Variants in ASAP1 observed in about 807,000 individuals in gnomAD.
ASAP1 encodes arf-GAP with SH3 domain, ANK repeat and PH domain-containing protein 1.
A neutral mutation model predicts 145.2 loss-of-function variants in ASAP1; 43 were observed. The observed-to-expected ratio is 0.30, with a 90% confidence interval of 0.23 to 0.38. ASAP1 has a LOEUF of 0.38. Among genes scored for constraint, ASAP1 ranks in the 10% least tolerant of loss-of-function variants. The pLI is 1.00. For synonymous variants in ASAP1, 546 were observed against 515.5 expected (o/e 1.06, Z -0.80); for missense variants, 1,018 against 1,355.3 (o/e 0.75, Z 3.91).
intron 27 of ASAP1, among the ~76,000 whole-genome samples, chr8:130,075,498 A>T (rs774672744): frequency 6.6e-6 from 1 of 152,300 alleles, no homozygotes; most frequent in South Asian, 2.1e-4. Flanking sequence ...TGCTGCTGGC[A>T]CTGAAAATCC....
intron 1 of ASAP1, among the ~76,000 whole-genome samples, chr8:130,408,625 A>G (rs1198860319): frequency 6.6e-6 from 1 of 152,188 alleles, no homozygotes; most frequent in Non-Finnish European, 1.5e-5. Context: ...CCAATTCCCT[A>G]TAATAAATAT....
At chr8:130,074,260 C>T (rs377193540) in intron 27 of ASAP1, among the ~76,000 whole-genome samples, 22 of 152,008 alleles carry the variant, frequency 1.4e-4, no homozygotes, top group African/African-American at 3.6e-4. Flanking sequence ...GGCTGGGATT[C>T]GCTACAGAAT....
intron 12 of ASAP1, among the ~76,000 whole-genome samples, chr8:130,154,398 A>C (rs1478301819): frequency 6.6e-6 from 1 of 152,224 alleles, no homozygotes; most frequent in Non-Finnish European, 1.5e-5. Context: ...CCAGGCACAG[A>C]CGAGACTGCA....
In ASAP1 at chr8:130,278,105, G is replaced by GTAC. The variant is rs1213438904; in HGVS notation, c.187-41112_187-41111insGTA. The stretch of plus-strand genomic sequence containing the variant: ...AAAAAAATCAAAGGGCCTTATAAAA[G>GTAC]TTATGTAAATTAGTACCAATATCCC... On this transcript the variant is annotated intron_variant, in intron 3 of 29. Coordinates refer to ENST00000518721, the MANE Select transcript of ASAP1 (RefSeq NM_018482.4). 8.6e-5 allele frequency among the ~76,000 whole-genome samples: 13 copies of GTAC among 151,466 alleles called. No individual in the cohort carries two copies. In the East Asian group the frequency reaches 2.5e-3, roughly 29 times the overall value.
At chr8:130,303,690 G>A (rs1240204928) in intron 3 of ASAP1, among the ~76,000 whole-genome samples, 2 of 152,114 alleles carry the variant, frequency 1.3e-5, no homozygotes, top group Non-Finnish European at 2.9e-5. Flanking sequence ...TTTACTTTAT[G>A]ACTCTGACTA....
intron 3 of ASAP1, among the ~76,000 whole-genome samples, chr8:130,260,919 C>T (rs1363469386): frequency 6.6e-6 from 1 of 152,062 alleles, no homozygotes; most frequent in Non-Finnish European, 1.5e-5. Context: ...TTTGCTTTTC[C>T]CCCCCTCAAG....
In ASAP1 at chr8:130,108,937, G is replaced by A. The variant is rs371519072; in HGVS notation, c.2401+3157C>T. Among the ~76,000 whole-genome samples the A allele has an allele frequency of 7.9e-5, 12 of 151,726 alleles. No individual in the cohort carries two copies. In the East Asian group the frequency reaches 1.7e-3, roughly 22 times the overall value. On this transcript the variant is annotated intron_variant, in intron 24 of 29. Transcript: ENST00000518721. ...ATTACAGGCAGGCGCCACTACGCCCGGCTCATTTTGTATTTTTAGTAGAGA... is the reference window on the plus strand; with the variant it reads ...ATTACAGGCAGGCGCCACTACGCCCAGCTCATTTTGTATTTTTAGTAGAGA...
Position 130,167,616 on chromosome 8 carries a change from G to C in ASAP1, c.829C>G (p.Gln277Glu). The change falls in exon 11 of 30, where the codon CAG becomes GAG. Residue 277 changes from glutamine to glutamate, a missense_variant. Around this residue, in one of 9 missense-constraint regions of ASAP1, gnomAD observed 62 missense variants for 68.5 expected, o/e 0.90. Coordinates refer to ENST00000518721, the MANE Select transcript of ASAP1 (RefSeq NM_018482.4). ...TGTTTCTTTTCTTCATCCTGGGTCT[G>C]TTTTATCTATGAAAAAAAAATTACT... ...KLAADLYNIK[Q>E]TQDEEKKQLT... 6.2e-7 allele frequency: 1 copy of C among 1,604,706 alleles called. No individual in the cohort carries two copies. Among genetic ancestry groups the C allele is most frequent in the East Asian group, 2.2e-5 (1 of 44,650 alleles).
intron 3 of ASAP1, among the ~76,000 whole-genome samples, chr8:130,262,416 A>AAAAAAAAAAGAG (rs1819974520): frequency 6.9e-5 from 4 of 57,850 alleles, no homozygotes; most frequent in African/African-American, 2.0e-4. Flanking sequence ...AAAAAAAAAA[A>AAAAAAAAAAGAG]AGAGAGAGAG....
intron 3 of ASAP1, among the ~76,000 whole-genome samples, chr8:130,301,810 G>C (rs1311691657): frequency 6.6e-6 from 1 of 152,206 alleles, no homozygotes; most frequent in African/African-American, 2.4e-5. Flanking sequence ...CATTGTTGTT[G>C]AGAGTATCTA....
At chr8:130,114,997 C>T (rs532857296) in intron 23 of ASAP1, among the ~76,000 whole-genome samples, 8 of 152,170 alleles carry the variant, frequency 5.3e-5, no homozygotes, top group South Asian at 4.2e-4. Flanking sequence ...TGGTCTCAAG[C>T]GATAGTTCTG....
chr8:130,143,362 A>G (rs1025620138), intron 13 of ASAP1, among the ~76,000 whole-genome samples: 3 of 152,102 alleles, frequency 2.0e-5, no homozygotes, highest in African/African-American at 7.2e-5. Flanking sequence ...ATGCAGCAAT[A>G]ATCACTGTTA....
chr8:130,250,331 A>T (rs1819114538), intron 3 of ASAP1, among the ~76,000 whole-genome samples: 1 of 152,202 alleles, frequency 6.6e-6, no homozygotes, highest in South Asian at 2.1e-4. Flanking sequence ...CGGAAAAATC[A>T]GGATTTTAAC....
intron 1 of ASAP1, among the ~76,000 whole-genome samples, chr8:130,425,795 G>A (rs547670562): frequency 2.4e-4 from 37 of 152,210 alleles, no homozygotes; most frequent in Non-Finnish European, 3.8e-4. Context: ...GTTCTAAAGC[G>A]GCTGACAGAC....
intron 1 of ASAP1, among the ~76,000 whole-genome samples, chr8:130,434,525 G>C (rs762017946): frequency 2.6e-5 from 4 of 152,050 alleles, no homozygotes; most frequent in Admixed American, 2.6e-4. Flanking sequence ...ACATATTAAC[G>C]AGCAATACAT....
intron 2 of ASAP1, among the ~76,000 whole-genome samples, chr8:130,388,521 T>C (rs889041370): frequency 4.6e-5 from 7 of 152,184 alleles, no homozygotes; most frequent in African/African-American, 1.7e-4. Flanking sequence ...CAGCTGGAGA[T>C]AAAATTTGTA....
At chr8:130,273,678 T>C (rs1820714050) in intron 3 of ASAP1, among the ~76,000 whole-genome samples, 1 of 152,166 alleles carries the variant, frequency 6.6e-6, no homozygotes, top group African/African-American at 2.4e-5. Flanking sequence ...TATAATGTCA[T>C]TCCTAAAGAT....
intron 3 of ASAP1, among the ~76,000 whole-genome samples, chr8:130,280,895 A>C (rs535593913): frequency 1.2e-4 from 19 of 152,274 alleles, no homozygotes; most frequent in African/African-American, 4.3e-4. Flanking sequence ...CATAACCAAG[A>C]ATCCATGTCA....
intron 9 of ASAP1, among the ~76,000 whole-genome samples, chr8:130,178,851 T>C (rs1447396250): frequency 6.6e-6 from 1 of 151,038 alleles, no homozygotes; most frequent in Non-Finnish European, 1.5e-5. Context: ...ACTGCACCAC[T>C]GCACTCCAGC....
Sources: gnomAD v4.1 joint callset for allele counts (sites outside exome capture counted in the v4.1 genomes callset) on GRCh38, gnomAD v4.1.1 for gene constraint, gnomAD v4.1.1 regional missense constraint, MANE v1.5 for transcripts, NCBI Gene and HGNC (gene_info 2026-07-23, HGNC 2026-07-21) for gene names.